The following DCLK1 variants were observed in gnomAD, a reference collection of about 807,000 sequenced individuals.
DCLK1 encodes doublecortin like kinase 1, also known as serine/threonine-protein kinase DCLK1.
DCLK1 carries 16 observed loss-of-function variants against 86.2 expected under a neutral mutation model. That is an observed-to-expected ratio of 0.19 (90% CI 0.13 to 0.28). The LOEUF (loss-of-function observed/expected upper bound fraction) is 0.28. Ranked by LOEUF, DCLK1 falls within the 10% of genes least tolerant of loss-of-function variation. DCLK1 has a pLI of 1.00. For synonymous variants in DCLK1, 369 were observed against 370.5 expected, an observed-to-expected ratio of 1.00 and a Z score of 0.05; for missense variants, 590 against 940.2, an observed-to-expected ratio of 0.63 and a Z score of 4.87.
intron 3 of DCLK1, among the ~76,000 whole-genome samples, chr13:36,095,414 C>T (rs1260095547): frequency 6.6e-6 from 1 of 151,920 alleles, no homozygotes; most frequent in Non-Finnish European, 1.5e-5. Context: ...CTGTGGTGGT[C>T]AGGCTGGTCT....
intron 3 of DCLK1, among the ~76,000 whole-genome samples, chr13:36,047,485 A>G (rs1882959934): frequency 6.6e-6 from 1 of 152,230 alleles, no homozygotes; most frequent in Non-Finnish European, 1.5e-5. Context: ...CTGCATGTAC[A>G]CAATGGAATC....
At chr13:36,092,218 T>C (rs546029906) in intron 3 of DCLK1, among the ~76,000 whole-genome samples, 6 of 152,018 alleles carry the variant, frequency 3.9e-5, no homozygotes, top group Admixed American at 2.0e-4. Context: ...TTTTTTTTTA[T>C]AGCTGTGTGA....
intron 3 of DCLK1, among the ~76,000 whole-genome samples, chr13:36,007,211 C>T (rs1294227062): frequency 6.6e-6 from 1 of 152,136 alleles, no homozygotes; most frequent in Non-Finnish European, 1.5e-5. Flanking sequence ...CACAGACCTT[C>T]GGGAACAGCC....
intron 6 of DCLK1, among the ~76,000 whole-genome samples, chr13:35,841,159 T>C (rs1439494173): frequency 1.3e-5 from 2 of 152,236 alleles, no homozygotes; most frequent in Non-Finnish European, 2.9e-5. Context: ...TAGCAGGTGC[T>C]GCCTTGTCAC....
intron 4 of DCLK1, among the ~76,000 whole-genome samples, chr13:35,935,010 A>G (rs1288702972): frequency 6.6e-6 from 1 of 152,178 alleles, no homozygotes; most frequent in East Asian, 1.9e-4. Context: ...AAGTAGATGG[A>G]GAAAGGCTTT....
chr13:35,958,109 CATCACCACCACCACTACCACTACTATA>C (rs1878156862), intron 3 of DCLK1, among the ~76,000 whole-genome samples: 4 of 2,584 alleles, frequency 1.5e-3, no homozygotes, highest in African/African-American at 3.2e-3. Context: ...CTATAACCAC[CATCACCACCACCACTACCACTACTATA>C]ACCACCACCA....
chr13:35,994,922 T>C (rs1880405896), intron 3 of DCLK1, among the ~76,000 whole-genome samples: 1 of 152,248 alleles, frequency 6.6e-6, no homozygotes, highest in Non-Finnish European at 1.5e-5. Flanking sequence ...AAGGCACAGA[T>C]GACGGCAATA....
At chr13:35,941,650 C>A (rs976488358) in intron 4 of DCLK1, among the ~76,000 whole-genome samples, 1 of 152,172 alleles carries the variant, frequency 6.6e-6, no homozygotes, top group Non-Finnish European at 1.5e-5. Flanking sequence ...AGTCTTCCTG[C>A]AGTTTTGAGC....
chr13:35,808,098 T>C, intron 14 of DCLK1, 126 bp downstream of exon 14: 1 of 924,310 alleles, frequency 1.1e-6, no homozygotes, highest in Non-Finnish European at 1.7e-6. Flanking sequence ...ACCTAGCAAT[T>C]ACAACTAAAA....
intron 4 of DCLK1, among the ~76,000 whole-genome samples, chr13:35,943,414 G>A (rs1044994508): frequency 6.6e-6 from 1 of 152,174 alleles, no homozygotes; most frequent in African/African-American, 2.4e-5. Context: ...GTGGTACTTT[G>A]TTATAGCAGC....
chr13:36,120,744 A>G (rs991805126), intron 2 of DCLK1, among the ~76,000 whole-genome samples: 1 of 152,180 alleles, frequency 6.6e-6, no homozygotes, highest in Admixed American at 6.5e-5. Context: ...TGAAATACAA[A>G]TGCCCTTTAA....
chr13:36,129,602 C>A (rs1886298116), intron 1 of DCLK1, among the ~76,000 whole-genome samples: 1 of 152,218 alleles, frequency 6.6e-6, no homozygotes. Context: ...TACATTTGAA[C>A]CATGCATGAG....
At chr13:36,053,141 G>T (rs576262242) in intron 3 of DCLK1, among the ~76,000 whole-genome samples, 1 of 152,248 alleles carries the variant, frequency 6.6e-6, no homozygotes, top group South Asian at 2.1e-4. Flanking sequence ...TAAAAGGAAT[G>T]CTATATTTAA....
chr13:35,833,755 C>T (rs999422557), intron 8 of DCLK1, among the ~76,000 whole-genome samples: 2 of 152,114 alleles, frequency 1.3e-5, no homozygotes, highest in African/African-American at 2.4e-5. Context: ...ATTCTTAGCT[C>T]GCTTTTTATT....
In DCLK1 at chr13:36,126,782, G is replaced by A. The variant is rs913766259; in HGVS notation, c.-19-626C>T. The stretch of plus-strand genomic sequence containing the variant: ...ACAAATTTGTTAGAAGCAGCTCCTA[G>A]GTTGCCCATGGTTCATCAGGCTTCA... On this transcript the variant is annotated intron_variant, in intron 1 of 16. Coordinates refer to ENST00000360631, the MANE Select transcript of DCLK1 (RefSeq NM_001330071.2). Among the ~76,000 whole-genome samples the A allele has an allele frequency of 3.9e-5, 6 of 152,146 alleles. 1 individual carries two copies. Among genetic ancestry groups the A allele is most frequent in the Admixed American group, 3.9e-4 (6 of 15,280 alleles).
chr13:36,085,385 A>AAG (rs1884555609), intron 3 of DCLK1, among the ~76,000 whole-genome samples: 1 of 152,142 alleles, frequency 6.6e-6, no homozygotes, highest in African/African-American at 2.4e-5. Context: ...ATATAATCCA[A>AAG]AGGTTGGGTT....
intron 5 of DCLK1, among the ~76,000 whole-genome samples, chr13:35,868,502 G>A (rs545080890): frequency 6.6e-6 from 1 of 152,218 alleles, no homozygotes; most frequent in Non-Finnish European, 1.5e-5. Flanking sequence ...TATACTGAGA[G>A]GAAGAAGATA....
At chr13:35,788,283 C>T (rs975950602) in intron 16 of DCLK1, 2 of 1,613,768 alleles carry the variant, frequency 1.2e-6, no homozygotes, top group Admixed American at 1.7e-5. Flanking sequence ...ACCCGTGGTC[C>T]AGCTGAGCAG....
At chr13:35,800,616 G>A (rs2086899370) in intron 15 of DCLK1, among the ~76,000 whole-genome samples, 1 of 152,176 alleles carries the variant, frequency 6.6e-6, no homozygotes, top group African/African-American at 2.4e-5. Flanking sequence ...TCCTGGATGA[G>A]GTTAAAACAA....
Sources: gnomAD v4.1 joint callset for allele counts (sites outside exome capture counted in the v4.1 genomes callset) on GRCh38, gnomAD v4.1.1 for gene constraint, MANE v1.5 for transcripts, NCBI Gene and HGNC (gene_info 2026-07-23, HGNC 2026-07-21) for gene names.